The following ARHGEF18 variants were observed in gnomAD, a reference collection of about 807,000 sequenced individuals.
ARHGEF18 encodes the protein rho guanine nucleotide exchange factor 18.
ARHGEF18 carries 93 observed loss-of-function variants against 155.7 expected under a neutral mutation model. The ratio of observed to expected loss-of-function variants is 0.60; its 90% CI spans 0.50 to 0.71. The LOEUF (loss-of-function observed/expected upper bound fraction) is 0.71, where lower values mean the gene tolerates loss of function less well. Among genes scored for constraint, ARHGEF18 ranks in the 30% least tolerant of loss-of-function variants. The pLI is 0.00. For synonymous variants in ARHGEF18, 742 were observed against 753.1 expected, an observed-to-expected ratio of 0.99 and a Z score of 0.24; for missense variants, 1,593 against 1,816.1, an observed-to-expected ratio of 0.88 and a Z score of 2.23.
At position 7,395,347 on chromosome 19, in the gene ARHGEF18, C is replaced by T; in HGVS notation, c.967+12144C>T. ...CTGGGGCGCGGGACCCCCGGGGCTGCCTCGGGCCTCCCGCCGGCTCCTGGG... is the reference window on the plus strand; with the variant it reads ...CTGGGGCGCGGGACCCCCGGGGCTGTCTCGGGCCTCCCGCCGGCTCCTGGG... On this transcript the variant is annotated intron_variant, in intron 10 of 28. Coordinates refer to ENST00000668164, the MANE Select transcript of ARHGEF18 (RefSeq NM_001367823.1). The surrounding 1 kb of genome is among the most constrained non-coding windows in gnomAD (Gnocchi z 5.0). 1.0e-6 allele frequency: 1 copy of T among 979,126 alleles called. No homozygotes were observed. Among genetic ancestry groups the T allele is most frequent in the Non-Finnish European group, 1.2e-6 (1 of 824,186 alleles). 60.7% of individuals were successfully genotyped at this position (979,126 alleles called of 1,614,324 possible).
intron 23 of ARHGEF18, among the ~76,000 whole-genome samples, chr19:7,465,018 A>C (rs952575518): frequency 6.6e-6 from 1 of 152,206 alleles, no homozygotes; most frequent in Non-Finnish European, 1.5e-5. Flanking sequence ...GGTGCCTACC[A>C]GATGCCAGAT....
intron 10 of ARHGEF18, among the ~76,000 whole-genome samples, chr19:7,396,828 T>C (rs1190454827): frequency 6.6e-6 from 1 of 152,104 alleles, no homozygotes; most frequent in African/African-American, 2.4e-5. Flanking sequence ...CGTCTTCCCA[T>C]CTTTAAAATG....
At position 7,467,395 on chromosome 19, in the gene ARHGEF18, GGCACGAGCAGCAGCGCTGGGA is replaced by G; in HGVS notation, c.3194_3214del (p.His1065_Glu1071del). On this transcript the variant is annotated inframe_deletion, in exon 26 of 29. Coordinates refer to ENST00000668164, the MANE Select transcript of ARHGEF18 (RefSeq NM_001367823.1). ...CTGGAGAAGCTGCAGAGCCAGCTGCGGCACGAGCAGCAGCGCTGGGAGCGCGAGCGCCAGTGGCAGCACCAG... is the reference window on the plus strand; with the variant it reads ...CTGGAGAAGCTGCAGAGCCAGCTGCGGCGCGAGCGCCAGTGGCAGCACCAG... The G allele has an allele frequency of 3.3e-6, 5 of 1,533,008 alleles. No homozygotes were observed. The highest frequency in any genetic ancestry group is 4.4e-6 in the Non-Finnish European group (5 of 1,145,540). 95.0% of individuals were successfully genotyped at this position (1,533,008 alleles called of 1,614,324 possible). A position where few individuals can be genotyped will look rare whatever the true frequency, so the allele number is the denominator to read the frequency against.
At chr19:7,385,075 C>T (rs1215878468) in intron 10 of ARHGEF18, among the ~76,000 whole-genome samples, 1 of 152,214 alleles carries the variant, frequency 6.6e-6, no homozygotes, top group Non-Finnish European at 1.5e-5. Flanking sequence ...CCTCTTTTCC[C>T]TGGCACCTTG....
intron 10 of ARHGEF18, among the ~76,000 whole-genome samples, chr19:7,413,204 G>T (rs1049533693): frequency 2.0e-5 from 3 of 152,056 alleles, no homozygotes; most frequent in Non-Finnish European, 2.9e-5. Context: ...GGCCAAGGCA[G>T]GAGGATCGAT....
At chr19:7,361,103 T>C (rs74830687) in intron 1 of ARHGEF18, among the ~76,000 whole-genome samples, 2,276 of 152,334 alleles carry the variant, frequency 0.015, 64 homozygotes, top group African/African-American at 0.053. Flanking sequence ...AACAGCTTTA[T>C]TGAGCTACCA....
At chr19:7,424,293 TG>T (rs1973529792) in intron 10 of ARHGEF18, among the ~76,000 whole-genome samples, 1 of 152,126 alleles carries the variant, frequency 6.6e-6, no homozygotes, top group Non-Finnish European at 1.5e-5. Context: ...CCCAGAGTGC[TG>T]GGATTACAAG....
At chr19:7,372,108 T>TG in intron 2 of ARHGEF18, among the ~76,000 whole-genome samples, 1 of 152,258 alleles carries the variant, frequency 6.6e-6, no homozygotes, top group South Asian at 2.1e-4. Flanking sequence ...CATGGAGCCA[T>TG]GGGGGAAGCC....
At chr19:7,388,117 A>G (rs2145490968) in intron 10 of ARHGEF18, among the ~76,000 whole-genome samples, 1 of 152,244 alleles carries the variant, frequency 6.6e-6, no homozygotes, top group South Asian at 2.1e-4. Flanking sequence ...ACCTTGAGCA[A>G]TGAGAGTTCC....
chr19:7,444,619 T>C lies in ARHGEF18; in HGVS notation c.1611+165T>C, dbSNP rs1974879148. Among the ~76,000 whole-genome samples the C allele has an allele frequency of 6.6e-6, 1 of 152,070 alleles. No homozygotes were observed. The highest frequency in any genetic ancestry group is 6.6e-5 in the Admixed American group (1 of 15,256). The stretch of plus-strand genomic sequence containing the variant: ...TCAACCTCTCAGGCTCAGGTGATCC[T>C]CCCACCTCAGCCTCCCAAGTAGCTG... On this transcript the variant is annotated intron_variant, in intron 14 of 28. Coordinates refer to ENST00000668164, the MANE Select transcript of ARHGEF18 (RefSeq NM_001367823.1). The surrounding 1 kb of genome is among the most constrained non-coding windows in gnomAD (Gnocchi z 4.7).
chr19:7,393,299 G>A (rs1234932729), intron 10 of ARHGEF18, among the ~76,000 whole-genome samples: 2 of 152,128 alleles, frequency 1.3e-5, no homozygotes, highest in African/African-American at 2.4e-5. Flanking sequence ...ACCTGGGGAC[G>A]CAACCCTCCA....
chr19:7,475,149 T>G (rs564999353), downstream of ARHGEF18, among the ~76,000 whole-genome samples: 5 of 152,116 alleles, frequency 3.3e-5, no homozygotes, highest in Non-Finnish European at 5.9e-5. Context: ...AGAGAATTGC[T>G]TGAACCCAGG....
At chr19:7,409,349 A>G (rs1972531332) in intron 10 of ARHGEF18, among the ~76,000 whole-genome samples, 1 of 145,794 alleles carries the variant, frequency 6.9e-6, no homozygotes, top group African/African-American at 2.5e-5. Context: ...AAAAAAAAAG[A>G]CTTAATGGCA....
At chr19:7,371,435 C>G (rs958672302) in intron 2 of ARHGEF18, among the ~76,000 whole-genome samples, 2 of 152,144 alleles carry the variant, frequency 1.3e-5, no homozygotes, top group African/African-American at 2.4e-5. Flanking sequence ...GTAATCCCAA[C>G]ACTTTGGGAG....
intron 24 of ARHGEF18, 45 bp downstream of exon 24, chr19:7,467,019 G>A (rs372571933): frequency 3.2e-5 from 52 of 1,612,210 alleles, no homozygotes; most frequent in Non-Finnish European, 3.9e-5. Context: ...TTGTGCACGC[G>A]CGTGTGGCCT....
chr19:7,370,353 G>A (rs185461747), intron 2 of ARHGEF18, among the ~76,000 whole-genome samples: 1,650 of 151,994 alleles, frequency 0.011, 32 homozygotes, highest in African/African-American at 0.037. Context: ...AAAATTAGCC[G>A]GGCGTGGTGG....
chr19:7,460,531 C>A (rs1027228383), intron 20 of ARHGEF18, among the ~76,000 whole-genome samples: 1 of 152,038 alleles, frequency 6.6e-6, no homozygotes, highest in Non-Finnish European at 1.5e-5. Context: ...AAGCCCCGTC[C>A]CCCTTAACAG....
chr19:7,428,061 A>G (rs1973759514), intron 10 of ARHGEF18, among the ~76,000 whole-genome samples: 1 of 152,216 alleles, frequency 6.6e-6, no homozygotes, highest in Admixed American at 6.6e-5. Context: ...ACTTAAATAA[A>G]CAGTAAGAAG....
In ARHGEF18 at chr19:7,382,800, A is replaced by G; in HGVS notation, c.731A>G (p.Asp244Gly). 8.1e-7 allele frequency: 1 copy of G among 1,232,432 alleles called. No individual in the cohort carries two copies. Among genetic ancestry groups the G allele is most frequent in the Non-Finnish European group, 1.0e-6 (1 of 988,058 alleles). The allele number at this position is 1,232,432 out of a possible 1,614,324, so 76.3% of individuals were successfully genotyped here. ...TWFEFLSESE[D>G]GAGKNEKSDK... ...TCCCTCTCGTCCCTCAGGAGCGAGG[A>G]CGGTGCTGGCAAGAACGAGAAGAGT... Residue 244 changes from aspartate to glycine, a missense_variant, in exon 9 of 29, where the codon GAC becomes GGC. Coordinates refer to ENST00000668164, the MANE Select transcript of ARHGEF18 (RefSeq NM_001367823.1).
Sources: allele counts gnomAD v4.1 joint callset (sites outside exome capture counted in the v4.1 genomes callset), GRCh38; gene constraint gnomAD v4.1.1; non-coding constraint Gnocchi (gnomAD v3.1); transcripts MANE v1.5; gene names NCBI Gene and HGNC (gene_info 2026-07-23, HGNC 2026-07-21).